The following CADM2 variants were observed in gnomAD, a reference collection of about 807,000 sequenced individuals.
The protein encoded by CADM2 is cell adhesion molecule 2, also known as immunoglobulin superfamily member 4D.
Under a neutral mutation model 49.8 loss-of-function variants are expected in CADM2, and 12 were observed. The ratio of observed to expected loss-of-function variants is 0.24; its 90% CI spans 0.15 to 0.39. The LOEUF (loss-of-function observed/expected upper bound fraction) is 0.39, where lower values mean the gene tolerates loss of function less well. Among genes scored for constraint, CADM2 ranks in the 10% least tolerant of loss-of-function variants. The probability of loss-of-function intolerance (pLI) is 1.00; values close to 1 mark genes in which losing one functional copy is unlikely to be tolerated. For missense variants in CADM2, 378 were observed against 492.3 expected (o/e 0.77, Z 2.20); for synonymous variants, 214 against 175.4 (o/e 1.22, Z -1.74).
At chr3:85,448,332 CAAA>C (rs57338759) in intron 1 of CADM2, among the ~76,000 whole-genome samples, 5,831 of 128,756 alleles carry the variant, frequency 0.045, 349 homozygotes, top group African/African-American at 0.17. Context: ...GATTCCGTCT[CAAA>C]AAAAAAAAAA....
At chr3:86,015,010 T>A (rs1453547604) in intron 8 of CADM2, 23 of 983,350 alleles carry the variant, frequency 2.3e-5, no homozygotes, top group Non-Finnish European at 3.7e-5. Flanking sequence ...TTGCTTAACA[T>A]AAATTGTGAC....
chr3:85,516,593 A>T (rs918514123), intron 1 of CADM2, among the ~76,000 whole-genome samples: 1 of 152,240 alleles, frequency 6.6e-6, no homozygotes, highest in Admixed American at 6.5e-5. Context: ...TTAAATAAGC[A>T]GTATATATTT....
intron 6 of CADM2, among the ~76,000 whole-genome samples, chr3:85,922,504 C>T (rs1006492715): frequency 6.6e-6 from 1 of 151,304 alleles, no homozygotes; most frequent in Non-Finnish European, 1.5e-5. Context: ...ACAGAAAAAC[C>T]GGACTTTTTA....
intron 1 of CADM2, among the ~76,000 whole-genome samples, chr3:85,372,377 G>A (rs1429457241): frequency 6.7e-6 from 1 of 150,212 alleles, no homozygotes; most frequent in African/African-American, 2.5e-5. Flanking sequence ...ATATATATGT[G>A]TGTGTGTATA....
intron 2 of CADM2, among the ~76,000 whole-genome samples, chr3:85,795,497 A>C (rs1427128125): frequency 6.6e-6 from 1 of 152,152 alleles, no homozygotes. Context: ...TAGAGAACTA[A>C]AATCATACTT....
intron 1 of CADM2, among the ~76,000 whole-genome samples, chr3:85,227,581 C>T (rs924038389): frequency 6.6e-6 from 1 of 151,386 alleles, no homozygotes; most frequent in Admixed American, 6.6e-5. Flanking sequence ...GGTCTTGACT[C>T]TTTATCCAGT....
chr3:86,002,483 C>T (rs1045916816), intron 8 of CADM2, among the ~76,000 whole-genome samples: 1 of 152,130 alleles, frequency 6.6e-6, no homozygotes, highest in Non-Finnish European at 1.5e-5. Flanking sequence ...TAAAAGTCAC[C>T]TGGATTCAAG....
intron 1 of CADM2, among the ~76,000 whole-genome samples, chr3:85,221,336 A>G (rs945614762): frequency 6.6e-6 from 1 of 152,116 alleles, no homozygotes; most frequent in Non-Finnish European, 1.5e-5. Context: ...AGTAATCTCT[A>G]TCTTTTTAGT....
chr3:85,297,816 T>C (rs2044002855), intron 1 of CADM2, among the ~76,000 whole-genome samples: 1 of 152,022 alleles, frequency 6.6e-6, no homozygotes, highest in African/African-American at 2.4e-5. Context: ...TGAACGATTT[T>C]TCCCAAATGG....
chr3:85,922,525 C>A (rs933243973), intron 6 of CADM2, among the ~76,000 whole-genome samples: 1 of 151,884 alleles, frequency 6.6e-6, no homozygotes, highest in Admixed American at 6.6e-5. Context: ...TTATCTATTT[C>A]TCTGGCTTTA....
rs561861862 is a variant in CADM2 at position 85,580,703 on chromosome 3, T to G, written c.62-145819T>G. ...ATGGGAATTTGTCAAGTGAATTTCCTGATATTATTTCATTAACAAATTCAT... is the reference window on the plus strand; with the variant it reads ...ATGGGAATTTGTCAAGTGAATTTCCGGATATTATTTCATTAACAAATTCAT... On this transcript the variant is annotated intron_variant, in intron 1 of 9. Transcript: ENST00000383699. Among the ~76,000 whole-genome samples the G allele has an allele frequency of 2.2e-4, 33 of 152,258 alleles. No individual in the cohort carries two copies. In the South Asian group the frequency reaches 6.6e-3, roughly 31 times the overall value.
intron 1 of CADM2, among the ~76,000 whole-genome samples, chr3:85,478,853 A>G (rs1333427747): frequency 6.6e-6 from 1 of 151,952 alleles, no homozygotes; most frequent in African/African-American, 2.4e-5. Context: ...AAACACTTCC[A>G]ATGTGGCATG....
intron 6 of CADM2, among the ~76,000 whole-genome samples, chr3:85,917,160 T>C (rs1329727955): frequency 6.6e-6 from 1 of 152,142 alleles, no homozygotes; most frequent in Non-Finnish European, 1.5e-5. Flanking sequence ...GTGCAGAAGC[T>C]CTTTAGTTTA....
intron 5 of CADM2, among the ~76,000 whole-genome samples, chr3:85,892,342 A>ATAATTT (rs1714559312): frequency 6.6e-6 from 1 of 152,204 alleles, no homozygotes; most frequent in Non-Finnish European, 1.5e-5. Context: ...GAGAGGCAGT[A>ATAATTT]GGAGAAATTA....
At chr3:85,119,739 G>C (rs1306430921) in intron 1 of CADM2, among the ~76,000 whole-genome samples, 2 of 152,118 alleles carry the variant, frequency 1.3e-5, no homozygotes, top group Non-Finnish European at 2.9e-5. Flanking sequence ...TTTATTCCTA[G>C]ATGTTTTATT....
intron 1 of CADM2, among the ~76,000 whole-genome samples, chr3:85,192,564 A>G (rs1172354773): frequency 7.2e-6 from 1 of 138,202 alleles, no homozygotes; most frequent in Non-Finnish European, 1.5e-5. Context: ...GTGAATATAT[A>G]TATATGTACA....
intron 1 of CADM2, among the ~76,000 whole-genome samples, chr3:85,303,830 A>T (rs985832635): frequency 6.6e-6 from 1 of 151,936 alleles, no homozygotes; most frequent in Non-Finnish European, 1.5e-5. Flanking sequence ...TGAATGGCAC[A>T]TAAAGTGATT....
chr3:86,025,213 G>A (rs977837524), intron 8 of CADM2, among the ~76,000 whole-genome samples: 1 of 151,806 alleles, frequency 6.6e-6, no homozygotes, highest in Non-Finnish European at 1.5e-5. Context: ...CCGCCACCAC[G>A]CCAGCCTAAT....
At chr3:85,149,765 C>A (rs892363434) in intron 1 of CADM2, among the ~76,000 whole-genome samples, 2 of 152,114 alleles carry the variant, frequency 1.3e-5, no homozygotes, top group East Asian at 1.9e-4. Flanking sequence ...GTTATAGACA[C>A]GTTTTATTTT....
Sources: allele counts gnomAD v4.1 joint callset (sites outside exome capture counted in the v4.1 genomes callset), GRCh38; gene constraint gnomAD v4.1.1; transcripts MANE v1.5; gene names NCBI Gene and HGNC (gene_info 2026-07-23, HGNC 2026-07-21).